The following DZANK1 variants were observed in gnomAD, a reference collection of about 807,000 sequenced individuals.
DZANK1 encodes double zinc ribbon and ankyrin repeat domains 1.
Under a neutral mutation model 94.5 loss-of-function variants are expected in DZANK1, and 91 were observed. That is an observed-to-expected ratio of 0.96 (90% CI 0.81 to 1.15). The LOEUF is 1.15. Among genes scored for constraint, DZANK1 ranks in the 50% most tolerant of loss-of-function variants. DZANK1 has a pLI of 0.00. For synonymous variants in DZANK1, 312 were observed against 325.3 expected, an observed-to-expected ratio of 0.96 and a Z score of 0.44; for missense variants, 903 against 916.4, an observed-to-expected ratio of 0.99 and a Z score of 0.19.
intron 10 of DZANK1, among the ~76,000 whole-genome samples, chr20:18,423,255 T>C (rs901953263): frequency 2.0e-5 from 3 of 152,202 alleles, no homozygotes; most frequent in African/African-American, 7.2e-5. Context: ...AACACAACAA[T>C]GAAACAACCT....
At chr20:18,423,690 T>C (rs542841000) in intron 10 of DZANK1, among the ~76,000 whole-genome samples, 1 of 152,164 alleles carries the variant, frequency 6.6e-6, no homozygotes, top group Admixed American at 6.5e-5. Context: ...AAAGTGCATA[T>C]GTTTTGGAAT....
chr20:18,423,781 T>C (rs371849996), intron 10 of DZANK1, among the ~76,000 whole-genome samples: 1 of 152,128 alleles, frequency 6.6e-6, no homozygotes, highest in East Asian at 1.9e-4. Context: ...TGAAAATACA[T>C]AGGATGCTGC....
At chr20:18,433,832 G>A in intron 8 of DZANK1, 67 bp from the exon 9 acceptor site, 1 of 1,387,222 alleles carries the variant, frequency 7.2e-7, no homozygotes, top group Non-Finnish European at 1.0e-6. Flanking sequence ...ATCTTAGAAT[G>A]TAAGGTTTGG....
chr20:18,408,462 A>G (rs1421992260), intron 13 of DZANK1, among the ~76,000 whole-genome samples: 1 of 152,226 alleles, frequency 6.6e-6, no homozygotes, highest in Non-Finnish European at 1.5e-5. Flanking sequence ...AAGACATTTC[A>G]TAATTAAACT....
intron 2 of DZANK1, among the ~76,000 whole-genome samples, chr20:18,463,259 A>G (rs1414256883): frequency 1.3e-5 from 2 of 152,256 alleles, no homozygotes; most frequent in African/African-American, 4.8e-5. Context: ...TAACACAGGA[A>G]CAGAAAACGA....
At chr20:18,450,222 C>G (rs2059051919) in intron 6 of DZANK1, among the ~76,000 whole-genome samples, 1 of 152,118 alleles carries the variant, frequency 6.6e-6, no homozygotes, top group South Asian at 2.1e-4. Context: ...CAATAGAGAG[C>G]AGTCAGAGGT....
chr20:18,448,349 C>G (rs1054484028), intron 7 of DZANK1, among the ~76,000 whole-genome samples: 1 of 152,046 alleles, frequency 6.6e-6, no homozygotes, highest in East Asian at 1.9e-4. Flanking sequence ...ACTATAGTGA[C>G]AAGAAAGAAA....
At chr20:18,443,413 A>G in exon 8 of DZANK1, 1 of 1,534,626 alleles carries the variant, frequency 6.5e-7, no homozygotes, top group Non-Finnish European at 8.8e-7. Flanking sequence ...CACATTCTTG[A>G]CAGAAGCGAG....
At chr20:18,452,769 G>T in intron 5 of DZANK1, 30 bp from the exon 6 acceptor site, 2 of 1,531,318 alleles carry the variant, frequency 1.3e-6, no homozygotes, top group South Asian at 1.2e-5. Context: ...ATTATTCTTT[G>T]AGCATCTGTA....
At chr20:18,433,906 G>C in intron 8 of DZANK1, 141 bp from the exon 9 acceptor site, 1 of 666,866 alleles carries the variant, frequency 1.5e-6, no homozygotes, top group Non-Finnish European at 2.5e-6. Context: ...GGCAGGTCGG[G>C]CTTGGTTAGT....
intron 10 of DZANK1, among the ~76,000 whole-genome samples, chr20:18,425,779 C>T (rs2058014602): frequency 1.3e-5 from 2 of 152,134 alleles, no homozygotes; most frequent in South Asian, 2.1e-4. Context: ...CAGTGGCATA[C>T]ACACACAGGC....
chr20:18,415,560 GTTTT>G, intron 10 of DZANK1, 111 bp from the exon 11 acceptor site: 3 of 1,189,914 alleles, frequency 2.5e-6, no homozygotes, highest in Non-Finnish European at 3.2e-6. Context: ...CGGAAATAGT[GTTTT>G]TTTTGTTTTG....
chr20:18,424,702 C>A (rs1600930121), intron 10 of DZANK1, among the ~76,000 whole-genome samples: 1 of 152,172 alleles, frequency 6.6e-6, no homozygotes, highest in African/African-American at 2.4e-5. Context: ...CCCAGCAATC[C>A]TACTCCTAGG....
intron 14 of DZANK1, among the ~76,000 whole-genome samples, chr20:18,397,665 T>C (rs1298351647): frequency 1.3e-5 from 2 of 152,226 alleles, no homozygotes; most frequent in Non-Finnish European, 2.9e-5. Context: ...AGCTTGTCTT[T>C]GCTCCACATG....
exon 21 of DZANK1, chr20:18,384,195 G>T (rs1480388767): frequency 1.2e-5 from 5 of 401,022 alleles, no homozygotes; most frequent in African/African-American, 8.3e-5. Flanking sequence ...GAGTAACTGG[G>T]ATTACAGGCA....
chr20:18,436,634 AAG>A (rs1601024139), intron 8 of DZANK1, among the ~76,000 whole-genome samples: 2 of 152,156 alleles, frequency 1.3e-5, no homozygotes, highest in African/African-American at 2.4e-5. Flanking sequence ...AAGTAAGGGA[AAG>A]AGAGAAAGGA....
At chr20:18,418,888 G>A (rs2057627305) in intron 10 of DZANK1, among the ~76,000 whole-genome samples, 1 of 152,162 alleles carries the variant, frequency 6.6e-6, no homozygotes, top group Non-Finnish European at 1.5e-5. Flanking sequence ...ATAGCTAAAG[G>A]AGATGGTAAA....
At chr20:18,412,233 T>C (rs1376963529) in intron 13 of DZANK1, among the ~76,000 whole-genome samples, 1 of 152,146 alleles carries the variant, frequency 6.6e-6, no homozygotes, top group Non-Finnish European at 1.5e-5. Flanking sequence ...AGTGCTGGGA[T>C]TGCAGGCATG....
At chr20:18,424,502 A>G (rs1342306682) in intron 10 of DZANK1, among the ~76,000 whole-genome samples, 2 of 152,040 alleles carry the variant, frequency 1.3e-5, no homozygotes, top group Non-Finnish European at 2.9e-5. Flanking sequence ...AAAGAAAAAA[A>G]TGACAGGTGA....
Sources: gnomAD v4.1 joint callset for allele counts (sites outside exome capture counted in the v4.1 genomes callset) on GRCh38, gnomAD v4.1.1 for gene constraint, MANE v1.5 for transcripts, NCBI Gene and HGNC (gene_info 2026-07-23, HGNC 2026-07-21) for gene names.